C1RL: variants seen among roughly 807,000 people sequenced by gnomAD.
The protein encoded by C1RL is complement C1r subcomponent like, also known as complement C1r subcomponent-like protein.
In C1RL, 27 loss-of-function variants were observed where a neutral mutation model predicts 27.9. The observed-to-expected ratio is 0.97, with a 90% CI of 0.71 to 1.33. The LOEUF (loss-of-function observed/expected upper bound fraction) is 1.33. C1RL is among the 40% of genes most tolerant of loss of function. The pLI is 0.00. For missense variants in C1RL, 563 were observed against 623.9 expected (o/e 0.90, Z 1.04); for synonymous variants, 248 against 252.1 (o/e 0.98, Z 0.15).
intron 5 of C1RL, 57 bp downstream of exon 5, chr12:7,099,629 G>A (rs1938553009): frequency 1.3e-6 from 2 of 1,545,020 alleles, no homozygotes; most frequent in Admixed American, 3.9e-5. Flanking sequence ...GTGTCCTGTA[G>A]GTCCCAGTTG....
chr12:7,108,546 G>A, intron 1 of C1RL, 67 bp from the exon 2 acceptor site: 2 of 1,314,676 alleles, frequency 1.5e-6, no homozygotes, highest in South Asian at 2.8e-5. Flanking sequence ...GGTGTGGGAG[G>A]AGCGGGGGAG....
chr12:7,107,451 T>C (rs1034123296), intron 2 of C1RL, among the ~76,000 whole-genome samples: 1 of 152,110 alleles, frequency 6.6e-6, no homozygotes, highest in African/African-American at 2.4e-5. Flanking sequence ...ACTACAGACA[T>C]GAGCTACTGC....
intron 2 of C1RL, among the ~76,000 whole-genome samples, chr12:7,103,704 C>T (rs751509011): frequency 1.4e-3 from 220 of 152,222 alleles, no homozygotes; most frequent in African/African-American, 4.6e-3. Flanking sequence ...TGGCTGAGGA[C>T]GCTGACAAGT....
chr12:7,097,421 A>G (rs1039917425), intron 5 of C1RL, among the ~76,000 whole-genome samples: 1 of 151,954 alleles, frequency 6.6e-6, no homozygotes, highest in Non-Finnish European at 1.5e-5. Context: ...CTGGGATTAC[A>G]GGCACCGACC....
chr12:7,095,032 C>A lies in C1RL; in HGVS notation c.*1359G>T. ...TTGACTCTTGATGCTAACAAATTAC[C>A]TCTCTTCTCTCTTTTATGGTGTTTA... On this transcript the variant is annotated 3_prime_UTR_variant, in exon 6 of 6. Transcript: ENST00000266542. 3.6e-6 allele frequency: 4 copies of A among 1,122,276 alleles called. No individual in the cohort carries two copies. Among genetic ancestry groups the A allele is most frequent in the Non-Finnish European group, 4.4e-6 (4 of 907,576 alleles). The allele number at this position is 1,122,276 out of a possible 1,614,324, so 69.5% of individuals were successfully genotyped here. A position where few individuals can be genotyped will look rare whatever the true frequency, so the allele number is the denominator to read the frequency against.
intron 5 of C1RL, among the ~76,000 whole-genome samples, chr12:7,097,645 G>T (rs925545734): frequency 1.3e-5 from 2 of 152,112 alleles, no homozygotes; most frequent in African/African-American, 4.8e-5. Context: ...ACAAGGACAG[G>T]TAATCAATGC....
chr12:7,095,036 CTT>C lies in C1RL; in HGVS notation c.*1353_*1354del. The stretch of plus-strand genomic sequence containing the variant: ...CTCTTGATGCTAACAAATTACCTCT[CTT>C]CTCTCTTTTATGGTGTTTATTTTCT... On this transcript the variant is annotated 3_prime_UTR_variant, in exon 6 of 6. Transcript: ENST00000266542. The C allele has an allele frequency of 1.8e-6, 2 of 1,136,254 alleles. No homozygotes were observed. Among genetic ancestry groups the C allele is most frequent in the Admixed American group, 4.7e-5 (1 of 21,442 alleles). The allele number at this position is 1,136,254 out of a possible 1,614,324, so 70.4% of individuals were successfully genotyped here.
chr12:7,097,173 A>G lies in C1RL; in HGVS notation c.692-10T>C. The stretch of plus-strand genomic sequence containing the variant: ...ACTGGCCGTCCGCAGACTGGGAGAG[A>G]GGCGGGGTAGGGGTGACAGTCAGCA... On this transcript the variant is annotated splice_polypyrimidine_tract_variant and intron_variant, in intron 5 of 5. Coordinates refer to ENST00000266542, the MANE Select transcript of C1RL (RefSeq NM_016546.4). The G allele has an allele frequency of 6.3e-7, 1 of 1,587,652 alleles. No homozygotes were observed. The highest frequency in any genetic ancestry group is 8.6e-7 in the Non-Finnish European group (1 of 1,166,038).
Position 7,101,993 on chromosome 12 carries a change from CCT to C in C1RL, c.393_394del (p.Gly132GlufsTer36). The C allele has an allele frequency of 6.2e-7, 1 of 1,614,206 alleles. No individual in the cohort carries two copies. The highest frequency in any genetic ancestry group is 1.7e-5 in the Admixed American group (1 of 60,028). On this transcript the variant is annotated frameshift_variant, in exon 3 of 6. Transcript: ENST00000266542. LOFTEE classifies it high-confidence loss of function. ...GCGGAAGGTCAGCCGCAAACTCCTC[CCT>C]GAGGATACAAACTCCCTCTGACCAG...
At chr12:7,098,728 T>C (rs1409799448) in intron 5 of C1RL, among the ~76,000 whole-genome samples, 2 of 152,196 alleles carry the variant, frequency 1.3e-5, no homozygotes, top group Non-Finnish European at 2.9e-5. Context: ...ATTATATGAT[T>C]CCACTGATAT....
In C1RL at chr12:7,095,629, A is replaced by T; in HGVS notation, c.*762T>A. ...TTCCCAGGGAGGGAAAATGGTAAGG[A>T]TGTGGGGGCTGGGAGGGAAAGCGGG... On this transcript the variant is annotated 3_prime_UTR_variant, in exon 6 of 6. Transcript: ENST00000266542. The T allele has an allele frequency of 1.0e-6, 1 of 985,952 alleles. No homozygotes were observed. Among genetic ancestry groups the T allele is most frequent in the Non-Finnish European group, 1.2e-6 (1 of 830,260 alleles). The allele number at this position is 985,952 out of a possible 1,614,324, so 61.1% of individuals were successfully genotyped here.
chr12:7,094,838 T>C lies in C1RL; in HGVS notation c.*1553A>G. 1.0e-6 allele frequency: 1 copy of C among 975,934 alleles called. No homozygotes were observed. 60.5% of individuals were successfully genotyped at this position (975,934 alleles called of 1,614,324 possible). A position where few individuals can be genotyped will look rare whatever the true frequency, so the allele number is the denominator to read the frequency against. On this transcript the variant is annotated 3_prime_UTR_variant, in exon 6 of 6. Coordinates refer to ENST00000266542, the MANE Select transcript of C1RL (RefSeq NM_016546.4). Reference sequence around the variant, plus strand: ...AAGCGATCCTCTTGCATCAGCCTCCTGAGTGGCTGGGGGTATAAGTGTGCA... The same window carrying C: ...AAGCGATCCTCTTGCATCAGCCTCCCGAGTGGCTGGGGGTATAAGTGTGCA...
Position 7,096,157 on chromosome 12 carries a change from A to G in C1RL, c.*234T>C, listed in dbSNP as rs3782927. 105,056 of 1,317,552 alleles carry G rather than the reference A, an allele frequency of 0.08. 4,950 individuals carry two copies. The highest frequency in any genetic ancestry group is 0.23 in the East Asian group (7,449 of 32,480). 81.6% of individuals were successfully genotyped at this position (1,317,552 alleles called of 1,614,324 possible). A position where few individuals can be genotyped will look rare whatever the true frequency, so the allele number is the denominator to read the frequency against. Reference sequence around the variant, plus strand: ...GCCTAGTGCATGAGCACAGGGAGGTAGAGGGTGAGGAGGAGCGGTCTGTGG... The same window carrying G: ...GCCTAGTGCATGAGCACAGGGAGGTGGAGGGTGAGGAGGAGCGGTCTGTGG... On this transcript the variant is annotated 3_prime_UTR_variant, in exon 6 of 6. Coordinates refer to ENST00000266542, the MANE Select transcript of C1RL (RefSeq NM_016546.4).
At position 7,108,287 on chromosome 12, in the gene C1RL, C is replaced by T; in HGVS notation, c.264G>A (p.Leu88=). The part of the protein sequence containing the change: ...AVRLVFQDFD[L]EPSQDCAGDS... ...CCCCTGCACAGTCCTGGGACGGCTC[C>T]AGGTCGAAGTCCTGGAAGACGAGCC... The change falls in exon 2 of 6, where the codon CTG becomes CTA. Residue 88 remains leucine, a synonymous_variant. Coordinates refer to ENST00000266542, the MANE Select transcript of C1RL (RefSeq NM_016546.4). 2 of 1,614,060 alleles carry T rather than the reference C, an allele frequency of 1.2e-6. No homozygotes were observed. The highest frequency in any genetic ancestry group is 1.7e-6 in the Non-Finnish European group (2 of 1,179,966).
chr12:7,096,877 G>A lies in C1RL; in HGVS notation c.978C>T (p.Pro326=), dbSNP rs143762434. ...NHPVHRVVVH[P]DYRQNESHNF... Reference sequence around the variant, plus strand: ...TATGGGACTCATTCTGACGGTAGTCGGGGTGCACAACGACACGGTGGACAG... The same window carrying A: ...TATGGGACTCATTCTGACGGTAGTCAGGGTGCACAACGACACGGTGGACAG... The change falls in exon 6 of 6, where the codon CCC becomes CCT. Residue 326 remains proline (P), a synonymous_variant. Coordinates refer to ENST00000266542, the MANE Select transcript of C1RL (RefSeq NM_016546.4). The A allele has an allele frequency of 3.8e-6, 6 of 1,599,220 alleles. No individual in the cohort carries two copies. The highest frequency in any genetic ancestry group is 3.4e-5 in the South Asian group (3 of 88,732).
At chr12:7,109,072 C>A in intron 1 of C1RL, 38 bp downstream of exon 1, 2 of 1,505,338 alleles carry the variant, frequency 1.3e-6, no homozygotes, top group East Asian at 2.4e-5. Context: ...CTTCCCCTCC[C>A]GTCCTCTTCC....
In C1RL at chr12:7,094,726, T is replaced by C; in HGVS notation, c.*1665A>G. On this transcript the variant is annotated 3_prime_UTR_variant, in exon 6 of 6. Transcript: ENST00000266542. ...AAAATCTTATCAATAAAACCACCTC[T>C]GTTTAGTATTTTGAGAGAATTATTA... The C allele has an allele frequency of 1.0e-6, 1 of 980,650 alleles. No homozygotes were observed. The allele number at this position is 980,650 out of a possible 1,614,324, so 60.7% of individuals were successfully genotyped here.
In C1RL at chr12:7,099,884, G is replaced by A. The variant is rs763696370; in HGVS notation, c.616+17C>T. On this transcript the variant is annotated intron_variant, in intron 4 of 5. Transcript: ENST00000266542. Reference sequence around the variant, plus strand: ...ATGAGGTGGATGGAAGCCACCCCTCGGCAGGTGGGGACTCACCTGCTGCCG... The same window carrying A: ...ATGAGGTGGATGGAAGCCACCCCTCAGCAGGTGGGGACTCACCTGCTGCCG... 1.5e-5 allele frequency: 24 copies of A among 1,613,450 alleles called. No individual in the cohort carries two copies. The highest frequency in any genetic ancestry group is 1.6e-4 in the Middle Eastern group (1 of 6,082).
chr12:7,102,498 A>C (rs890313095), intron 2 of C1RL, among the ~76,000 whole-genome samples: 9 of 152,162 alleles, frequency 5.9e-5, no homozygotes, highest in African/African-American at 2.2e-4. Context: ...GCGTTGACTC[A>C]ATGAACATGG....
Sources: gnomAD v4.1 joint callset for allele counts (sites outside exome capture counted in the v4.1 genomes callset) on GRCh38, gnomAD v4.1.1 for gene constraint, MANE v1.5 for transcripts, NCBI Gene and HGNC (gene_info 2026-07-23, HGNC 2026-07-21) for gene names.